The following TNRC6B variants were observed in gnomAD, a reference collection of about 807,000 sequenced individuals.
TNRC6B encodes the protein trinucleotide repeat containing adaptor 6B.
Under a neutral mutation model 203.6 loss-of-function variants are expected in TNRC6B, and 52 were observed. That is an observed-to-expected ratio of 0.26 (90% CI 0.20 to 0.32). The LOEUF is 0.32. Among genes scored for constraint, TNRC6B ranks in the 10% least tolerant of loss-of-function variants. The pLI is 1.00. For synonymous variants in TNRC6B, 838 were observed against 845.7 expected, an observed-to-expected ratio of 0.99 and a Z score of 0.16; for missense variants, 1,923 against 2,286.2, an observed-to-expected ratio of 0.84 and a Z score of 3.24.
At chr22:40,090,259 T>C (rs1240713494) in intron 1 of TNRC6B, among the ~76,000 whole-genome samples, 1 of 152,218 alleles carries the variant, frequency 6.6e-6, no homozygotes, top group Non-Finnish European at 1.5e-5. Flanking sequence ...ACTACCAAAC[T>C]TGTCTTGCAA....
rs1281585407 is a variant in TNRC6B at position 40,148,527 on chromosome 22, C to T, written c.46-7588C>T. ...TCAATCTCTTGACCTTGTGATCTGC[C>T]CGCCTTGCCCCCCACAAAGTGCTGA... On this transcript the variant is annotated intron_variant, in intron 3 of 23. Transcript: ENST00000301923. Among the ~76,000 whole-genome samples the T allele has an allele frequency of 2.1e-4, 32 of 152,074 alleles. 1 individual carries two copies. The highest frequency in any genetic ancestry group is 2.1e-3 in the Admixed American group (32 of 15,240).
rs773408539 is a variant in TNRC6B at position 40,312,885 on chromosome 22, G to A, written c.4583-17G>A. The A allele has an allele frequency of 3.7e-6, 6 of 1,608,968 alleles. No homozygotes were observed. In the South Asian group the frequency reaches 4.4e-5, roughly 12 times the overall value. ...CATTTATCTTCAGTATTTTCTTCTT[G>A]TTCTTTGTTACCCAAGGGTCTAATT... is the stretch of plus-strand genomic sequence containing the variant. On this transcript the variant is annotated splice_polypyrimidine_tract_variant and intron_variant, in intron 18 of 22. Transcript: ENST00000454349.
intron 1 of TNRC6B, among the ~76,000 whole-genome samples, chr22:40,223,514 A>G (rs2069744439): frequency 6.6e-6 from 1 of 152,150 alleles, no homozygotes; most frequent in Admixed American, 6.5e-5. Context: ...TCTTACGTAC[A>G]TGATATCATC....
intron 3 of TNRC6B, among the ~76,000 whole-genome samples, chr22:40,127,067 A>G: frequency 6.7e-6 from 1 of 149,876 alleles, no homozygotes; most frequent in Non-Finnish European, 1.5e-5. Context: ...TCCTATATAT[A>G]AATATTTATC....
chr22:40,240,678 G>A (rs749515604), intron 1 of TNRC6B, among the ~76,000 whole-genome samples: 17 of 152,130 alleles, frequency 1.1e-4, no homozygotes, highest in South Asian at 1.0e-3. Context: ...AAAGTGATGA[G>A]TTTTACATCT....
chr22:40,184,773 A>G (rs1022514894), intron 1 of TNRC6B, among the ~76,000 whole-genome samples: 1 of 152,142 alleles, frequency 6.6e-6, no homozygotes. Context: ...GGTTGGAGAA[A>G]TGTAAAATAA....
At chr22:40,212,611 C>G (rs762631451) in intron 1 of TNRC6B, among the ~76,000 whole-genome samples, 4 of 152,138 alleles carry the variant, frequency 2.6e-5, no homozygotes, top group Non-Finnish European at 5.9e-5. Context: ...TTGCTCCTGC[C>G]TCTTGCCCTT....
rs1042196050 is a variant in TNRC6B, at chr22:40,329,191, A to G, written c.*5950A>G. The G allele has an allele frequency of 6.6e-6, 1 of 152,186 alleles. No homozygotes were observed. Among genetic ancestry groups the G allele is most frequent in the Non-Finnish European group, 1.5e-5 (1 of 68,048 alleles). 9.4% of individuals were successfully genotyped at this position (152,186 alleles called of 1,614,324 possible). ...CTCATGGTCGTTAAGAAAATAGGGAACTCACAAACCCTGCTGCGCACTACA... is the reference window on the plus strand; with the variant it reads ...CTCATGGTCGTTAAGAAAATAGGGAGCTCACAAACCCTGCTGCGCACTACA... On this transcript the variant is annotated 3_prime_UTR_variant, in exon 23 of 23. Coordinates refer to ENST00000454349, the MANE Select transcript of TNRC6B (RefSeq NM_001162501.2).
intron 3 of TNRC6B, among the ~76,000 whole-genome samples, chr22:40,154,684 C>G (rs2146351087): frequency 6.7e-6 from 1 of 148,384 alleles, no homozygotes; most frequent in Admixed American, 6.7e-5. Flanking sequence ...ACTAAAAATA[C>G]AAAAAAATTA....
intron 3 of TNRC6B, chr22:40,253,672 TAGAC>T (rs1420832753): frequency 8.8e-6 from 4 of 456,350 alleles, no homozygotes; most frequent in African/African-American, 4.0e-5. Context: ...ATTTAATTGT[TAGAC>T]AGCAAGTAAA....
intron 3 of TNRC6B, among the ~76,000 whole-genome samples, chr22:40,256,329 A>G (rs761275171): frequency 5.3e-5 from 8 of 152,232 alleles, no homozygotes; most frequent in Middle Eastern, 3.4e-3. Context: ...TGCAGACCCT[A>G]TTGTCACATT....
upstream of TNRC6B, among the ~76,000 whole-genome samples, chr22:40,173,347 C>T (rs111407624): frequency 1.3e-5 from 2 of 151,748 alleles, no homozygotes; most frequent in African/African-American, 4.8e-5. Context: ...CACCCTCGGC[C>T]TCCCAAAGTA....
At chr22:40,187,673 G>A (rs1336162473) in intron 1 of TNRC6B, among the ~76,000 whole-genome samples, 1 of 151,968 alleles carries the variant, frequency 6.6e-6, no homozygotes, top group East Asian at 1.9e-4. Flanking sequence ...GGTGGGAGAG[G>A]GTGCCACCAG....
At chr22:40,301,917 T>C (rs1428879437) in intron 15 of TNRC6B, among the ~76,000 whole-genome samples, 1 of 152,200 alleles carries the variant, frequency 6.6e-6, no homozygotes, top group African/African-American at 2.4e-5. Flanking sequence ...AAACCCTATT[T>C]AAATGCTTGT....
chr22:40,198,543 T>C (rs1380633109), intron 1 of TNRC6B, among the ~76,000 whole-genome samples: 1 of 151,922 alleles, frequency 6.6e-6, no homozygotes, highest in African/African-American at 2.4e-5. Context: ...AGGGCATCCA[T>C]TGCTTCTGGG....
chr22:40,171,165 T>TC (rs1272145301), intron 4 of TNRC6B, among the ~76,000 whole-genome samples: 1 of 143,330 alleles, frequency 7.0e-6, no homozygotes, highest in East Asian at 2.0e-4. Flanking sequence ...AATTTTTTTT[T>TC]TTTTTTTTTT....
chr22:40,154,929 A>G (rs1352403760), intron 3 of TNRC6B, among the ~76,000 whole-genome samples: 6 of 126,948 alleles, frequency 4.7e-5, no homozygotes, highest in Non-Finnish European at 8.0e-5. Flanking sequence ...AATTTGCTCT[A>G]AAATATATAT....
intron 2 of TNRC6B, among the ~76,000 whole-genome samples, chr22:40,118,438 C>T (rs1259582999): frequency 6.6e-6 from 1 of 152,180 alleles, no homozygotes; most frequent in African/African-American, 2.4e-5. Context: ...CCCAAGACCA[C>T]ACAGCTAATA....
At chr22:40,256,406 G>A (rs902101256) in intron 3 of TNRC6B, among the ~76,000 whole-genome samples, 18 of 152,152 alleles carry the variant, frequency 1.2e-4, no homozygotes, top group African/African-American at 4.3e-4. Flanking sequence ...CCATTCTCCA[G>A]TCAAAAGCCA....
Sources: gnomAD v4.1 joint callset for allele counts (sites outside exome capture counted in the v4.1 genomes callset) on GRCh38, gnomAD v4.1.1 for gene constraint, MANE v1.5 for transcripts, NCBI Gene and HGNC (gene_info 2026-07-23, HGNC 2026-07-21) for gene names.